The following RAB33A variants were observed in gnomAD, a reference collection of about 807,000 sequenced individuals.
The protein encoded by RAB33A is ras-related protein Rab-33A.
A neutral mutation model predicts 12.0 loss-of-function variants in RAB33A; 6 were observed. The ratio of observed to expected loss-of-function variants is 0.50; its 90% CI spans 0.27 to 0.99. The LOEUF is 0.99. RAB33A is among the 50% of genes least tolerant of loss of function. The pLI, the probability that RAB33A is intolerant of heterozygous loss-of-function variation, is 0.11. For synonymous variants in RAB33A, 70 were observed against 82.4 expected (o/e 0.85, Z 0.81); for missense variants, 109 against 192.0 (o/e 0.57, Z 2.55).
the RAB33A span, among the ~76,000 whole-genome samples, chrX:130,126,222 G>A: frequency 1.8e-5 from 2 of 112,223 alleles, no homozygotes; most frequent in Non-Finnish European, 3.8e-5. Context: ...AGAGGCCAGT[G>A]GCTCATGCCT....
At chrX:130,133,256 T>C in the RAB33A span, 11 of 1,196,285 alleles carry the variant, frequency 9.2e-6, no homozygotes, top group Non-Finnish European at 1.1e-5. Context: ...CTCTGTGTTA[T>C]GGTCCTAGAG....
upstream of RAB33A, chrX:130,171,826 G>A (rs1211185553): frequency 4.0e-5 from 16 of 396,469 alleles, no homozygotes; most frequent in Non-Finnish European, 6.5e-5. Flanking sequence ...TTGTGTTGGT[G>A]CCTCCGAGCT....
chrX:130,137,443 G>A, the RAB33A span: 1 of 1,166,055 alleles, frequency 8.6e-7, no homozygotes, highest in South Asian at 1.9e-5. Flanking sequence ...TTCCACCCAT[G>A]CAGTCACCTA....
the RAB33A span, among the ~76,000 whole-genome samples, chrX:130,123,194 G>A: frequency 1.8e-5 from 2 of 112,127 alleles, no homozygotes; most frequent in Non-Finnish European, 3.8e-5. Context: ...GGCTGAAGGT[G>A]AGAGATGACC....
At chrX:130,123,872 C>T in the RAB33A span, among the ~76,000 whole-genome samples, 1 of 111,029 alleles carries the variant, frequency 9.0e-6, no homozygotes, top group Admixed American at 9.6e-5. Flanking sequence ...TCTCCATATT[C>T]TTTCCAAAGT....
At chrX:130,119,600 G>C in the RAB33A span, among the ~76,000 whole-genome samples, 1 of 111,561 alleles carries the variant, frequency 9.0e-6, no homozygotes, top group Non-Finnish European at 1.9e-5. Flanking sequence ...GGAGGGGTCT[G>C]GTAGAAAGGA....
chrX:130,147,013 T>C, the RAB33A span, among the ~76,000 whole-genome samples: 1 of 110,718 alleles, frequency 9.0e-6, no homozygotes, highest in Non-Finnish European at 1.9e-5. Flanking sequence ...ATACAAAAAA[T>C]TAGCCGGGTG....
upstream of RAB33A, among the ~76,000 whole-genome samples, chrX:130,171,444 C>G (rs1003560923): frequency 8.9e-6 from 1 of 112,152 alleles, no homozygotes; most frequent in South Asian, 3.7e-4. Flanking sequence ...CCAGGGAGGC[C>G]GAAGTGATCC....
the RAB33A span, among the ~76,000 whole-genome samples, chrX:130,163,999 CAA>C: frequency 3.4e-3 from 250 of 74,530 alleles, no homozygotes; most frequent in Admixed American, 4.2e-3. Flanking sequence ...ACTAAAAATA[CAA>C]AAAAAAAAAA....
chrX:130,150,075 T>C, the RAB33A span, among the ~76,000 whole-genome samples: 1 of 111,141 alleles, frequency 9.0e-6, no homozygotes, highest in Non-Finnish European at 1.9e-5. Context: ...CTGTATTCTA[T>C]TTTTAGAGAG....
At chrX:130,167,572 G>A (rs1156402341), upstream of RAB33A, among the ~76,000 whole-genome samples, 3 of 111,864 alleles carry the variant, frequency 2.7e-5, no homozygotes, top group Non-Finnish European at 5.6e-5. Context: ...GTGAAACCCC[G>A]TCTCTACAAA....
At chrX:130,165,854 C>G in the RAB33A span, 1 of 477,488 alleles carries the variant, frequency 2.1e-6, no homozygotes, top group African/African-American at 2.3e-5. Flanking sequence ...CGACCGGAGG[C>G]CTACTGCGCA....
chrX:130,163,321 A>G, the RAB33A span, among the ~76,000 whole-genome samples: 1 of 110,462 alleles, frequency 9.1e-6, no homozygotes, highest in Admixed American at 9.7e-5. Context: ...AAAAAAAAAA[A>G]AAAGTTTAAA....
the RAB33A span, among the ~76,000 whole-genome samples, chrX:130,150,529 G>T: frequency 9.7e-6 from 1 of 102,786 alleles, no homozygotes; most frequent in African/African-American, 3.5e-5. Context: ...TAGAGACGGG[G>T]TTTCACCGTT....
At chrX:130,140,697 C>A in the RAB33A span, 65 of 745,048 alleles carry the variant, frequency 8.7e-5, no homozygotes, top group African/African-American at 1.1e-3. Context: ...TAATTCACAT[C>A]AAATTCACCA....
At chrX:130,124,516 G>A in the RAB33A span, among the ~76,000 whole-genome samples, 1 of 111,516 alleles carries the variant, frequency 9.0e-6, no homozygotes, top group Non-Finnish European at 1.9e-5. Context: ...ACAGACCTTG[G>A]AGGCTCCACC....
chrX:130,141,464 AT>A, the RAB33A span, among the ~76,000 whole-genome samples: 13 of 112,003 alleles, frequency 1.2e-4, no homozygotes, highest in Non-Finnish European at 2.3e-4. Flanking sequence ...CATCTACAAC[AT>A]TTTTACAGAA....
the RAB33A span, among the ~76,000 whole-genome samples, chrX:130,119,528 G>A: frequency 0.011 from 1,259 of 111,231 alleles, 7 homozygotes; most frequent in Non-Finnish European, 0.017. Flanking sequence ...GGGGCAGGGG[G>A]ACGTCAAGCT....
the RAB33A span, among the ~76,000 whole-genome samples, chrX:130,146,939 A>ATC: frequency 3.6e-5 from 4 of 112,368 alleles, no homozygotes; most frequent in East Asian, 8.4e-4. Flanking sequence ...AGGAAGGCGG[A>ATC]TCATGAGGTC....
Sources: allele counts gnomAD v4.1 joint callset (sites outside exome capture counted in the v4.1 genomes callset), GRCh38; gene constraint gnomAD v4.1.1; transcripts MANE v1.5; gene names NCBI Gene and HGNC (gene_info 2026-07-23, HGNC 2026-07-21).